CNOT9: variants seen among roughly 807,000 people sequenced by gnomAD.
The protein encoded by CNOT9 is RCD1 required for cell differentiation1 homolog.
CNOT9 carries 8 observed loss-of-function variants against 37.4 expected under a neutral mutation model. The ratio of observed to expected loss-of-function variants is 0.21; its 90% CI spans 0.13 to 0.39. The LOEUF (loss-of-function observed/expected upper bound fraction) is 0.39. Ranked by LOEUF, CNOT9 falls within the 10% of genes least tolerant of loss-of-function variation. The probability of loss-of-function intolerance (pLI) is 1.00; values close to 1 mark genes in which losing one functional copy is unlikely to be tolerated. For synonymous variants in CNOT9, 120 were observed against 137.6 expected (o/e 0.87, Z 0.90); for missense variants, 154 against 365.3 (o/e 0.42, Z 4.71).
At chr2:218,570,473 C>G (rs1039908264) in intron 1 of CNOT9, among the ~76,000 whole-genome samples, 8 of 152,190 alleles carry the variant, frequency 5.3e-5, no homozygotes, top group African/African-American at 1.9e-4. Flanking sequence ...TGTAACTATT[C>G]AATGTAGAGA....
At chr2:218,580,782 A>C in intron 2 of CNOT9, 42 bp downstream of exon 2, 1 of 1,538,914 alleles carries the variant, frequency 6.5e-7, no homozygotes. Flanking sequence ...TCTTTTCATT[A>C]CACTTGTATA....
chr2:218,594,215 T>G lies in CNOT9; in HGVS notation c.839T>G (p.Val280Gly), dbSNP rs1575000213. The G allele has an allele frequency of 6.2e-7, 1 of 1,614,202 alleles. No individual in the cohort carries two copies. Residue 280 changes from valine (V) to glycine (G), a missense_variant, in exon 8 of 8, where the codon GTG (valine) becomes GGG (glycine). This residue lies in a region of CNOT9 where 117 missense variants were observed against 325.4 expected (regional missense o/e 0.36). Transcript: ENST00000273064. Reference sequence around the variant, plus strand: ...ACGAAACGCTGGCTTGCACAACTGGTGAAGAACCTGCAAGAGGGCCAGGTC... The same window carrying G: ...ACGAAACGCTGGCTTGCACAACTGGGGAAGAACCTGCAAGAGGGCCAGGTC... ...TTTKRWLAQL[V>G]KNLQEGQVTD...
intron 1 of CNOT9, among the ~76,000 whole-genome samples, chr2:218,572,984 TCTTTC>T (rs1179763246): frequency 1.2e-4 from 18 of 152,204 alleles, no homozygotes; most frequent in African/African-American, 4.1e-4. Flanking sequence ...GCCTAACTTA[TCTTTC>T]CTTATTCACT....
At position 218,595,875 on chromosome 2, in the gene CNOT9, A is replaced by G. The variant is rs529835985; in HGVS notation, c.*1599A>G. 1 of 152,296 alleles carries G rather than the reference A, an allele frequency of 6.6e-6. No homozygotes were observed. Among genetic ancestry groups the G allele is most frequent in the South Asian group, 2.1e-4 (1 of 4,824 alleles). 9.4% of individuals were successfully genotyped at this position (152,296 alleles called of 1,614,324 possible). A position where few individuals can be genotyped will look rare whatever the true frequency, so the allele number is the denominator to read the frequency against. ...TCTCTTTAGAGCCAAGAAAATAGTA[A>G]TTAAGTGGCCTAGATATAGGAAGGG... On this transcript the variant is annotated 3_prime_UTR_variant, in exon 8 of 8. Coordinates refer to ENST00000273064, the MANE Select transcript of CNOT9 (RefSeq NM_005444.3).
intron 1 of CNOT9, among the ~76,000 whole-genome samples, chr2:218,575,678 C>G (rs1694142364): frequency 6.6e-6 from 1 of 152,212 alleles, no homozygotes; most frequent in African/African-American, 2.4e-5. Flanking sequence ...GCTGGGATTA[C>G]AGGCGTGAGC....
intron 1 of CNOT9, among the ~76,000 whole-genome samples, chr2:218,576,569 G>A (rs1327821553): frequency 6.6e-6 from 1 of 152,138 alleles, no homozygotes; most frequent in Non-Finnish European, 1.5e-5. Flanking sequence ...AGTACTGAGT[G>A]TTCTTTCAGA....
chr2:218,574,814 T>G (rs546021544), intron 1 of CNOT9, among the ~76,000 whole-genome samples: 1 of 152,326 alleles, frequency 6.6e-6, no homozygotes, highest in African/African-American at 2.4e-5. Flanking sequence ...AAAAGGGCAT[T>G]AAAGAACTTT....
intron 3 of CNOT9, among the ~76,000 whole-genome samples, chr2:218,583,681 C>T (rs1261312107): frequency 1.3e-5 from 2 of 152,142 alleles, no homozygotes; most frequent in Non-Finnish European, 2.9e-5. Flanking sequence ...TTATTAAAGC[C>T]TTTCCTCTTT....
intron 1 of CNOT9, among the ~76,000 whole-genome samples, chr2:218,575,682 C>T (rs1409627602): frequency 6.6e-6 from 1 of 152,068 alleles, no homozygotes; most frequent in Non-Finnish European, 1.5e-5. Flanking sequence ...GGATTACAGG[C>T]GTGAGCCACC....
At position 218,592,300 on chromosome 2, in the gene CNOT9, T is replaced by G. The variant is rs368671455; in HGVS notation, c.541-4T>G. The G allele has an allele frequency of 4.3e-6, 7 of 1,610,278 alleles. No homozygotes were observed. Among genetic ancestry groups the G allele is most frequent in the Non-Finnish European group, 5.9e-6 (7 of 1,177,646 alleles). On this transcript the variant is annotated splice_polypyrimidine_tract_variant and splice_region_variant and intron_variant, in intron 5 of 7. Coordinates refer to ENST00000273064, the MANE Select transcript of CNOT9 (RefSeq NM_005444.3). The surrounding 1 kb of genome is among the most constrained non-coding windows in gnomAD (Gnocchi z 4.1). ...ATAAACTCTTCGATTTTGTTTTGCT[T>G]CAGGTTGCCACATTCATCCTCCAGA...
At chr2:218,591,829 A>G (rs188971975) in intron 5 of CNOT9, among the ~76,000 whole-genome samples, 335 of 152,272 alleles carry the variant, frequency 2.2e-3, no homozygotes, top group Non-Finnish European at 3.4e-3. Flanking sequence ...ATCTTGGCCT[A>G]TGGAAAAGAG....
chr2:218,590,797 C>CTTGTTGTTGTTG (rs72308011), intron 5 of CNOT9, among the ~76,000 whole-genome samples: 22 of 150,818 alleles, frequency 1.5e-4, no homozygotes, highest in Non-Finnish European at 2.5e-4. Flanking sequence ...CTACATCTCT[C>CTTGTTGTTGTTG]TTGTTGTTGT....
chr2:218,593,948 C>T (rs901785205), intron 7 of CNOT9, 160 bp from the exon 8 acceptor site: 3 of 962,028 alleles, frequency 3.1e-6, no homozygotes, highest in Admixed American at 2.9e-5. Context: ...ATCTCTAAGC[C>T]TATGCCTAAT....
At chr2:218,584,475 C>A in intron 3 of CNOT9, 137 bp from the exon 4 acceptor site, 1 of 720,376 alleles carries the variant, frequency 1.4e-6, no homozygotes, top group Non-Finnish European at 2.5e-6. Context: ...GACTAATGAC[C>A]AGTAACATTG....
At chr2:218,590,633 G>A (rs903283785) in intron 5 of CNOT9, among the ~76,000 whole-genome samples, 2 of 152,180 alleles carry the variant, frequency 1.3e-5, no homozygotes, top group Non-Finnish European at 2.9e-5. Flanking sequence ...AGGATATAGA[G>A]GAGAGTCTTT....
rs530943267 is a variant in CNOT9, at chr2:218,580,521, T to G, written c.25-40T>G. 18 of 1,529,358 alleles carry G rather than the reference T, an allele frequency of 1.2e-5. No homozygotes were observed. In the South Asian group the frequency reaches 1.5e-4, roughly 13 times the overall value. 94.7% of individuals were successfully genotyped at this position (1,529,358 alleles called of 1,614,324 possible). Reference sequence around the variant, plus strand: ...GTTGCAGGGTAAGACTTGGTTTGACTCTAATAAACTGATATTTACTTTCTT... The same window carrying G: ...GTTGCAGGGTAAGACTTGGTTTGACGCTAATAAACTGATATTTACTTTCTT... On this transcript the variant is annotated intron_variant, in intron 1 of 7. Transcript: ENST00000273064.
intron 5 of CNOT9, among the ~76,000 whole-genome samples, chr2:218,589,477 T>G (rs181078249): frequency 2.6e-5 from 4 of 152,158 alleles, no homozygotes; most frequent in Non-Finnish European, 5.9e-5. Flanking sequence ...TGGGACCACA[T>G]GCCTGCTCCA....
chr2:218,575,294 A>T (rs1333614936), intron 1 of CNOT9, among the ~76,000 whole-genome samples: 1 of 151,884 alleles, frequency 6.6e-6, no homozygotes, highest in African/African-American at 2.4e-5. Context: ...AACTCTGTGA[A>T]CTCCTTAAAA....
chr2:218,589,641 G>A (rs1350206588), intron 5 of CNOT9, among the ~76,000 whole-genome samples: 1 of 152,088 alleles, frequency 6.6e-6, no homozygotes, highest in Non-Finnish European at 1.5e-5. Context: ...CCAATTTATT[G>A]TTTTTAAAGA....
Sources: allele counts gnomAD v4.1 joint callset (sites outside exome capture counted in the v4.1 genomes callset), GRCh38; gene constraint gnomAD v4.1.1; regional missense constraint gnomAD v4.1.1; non-coding constraint Gnocchi (gnomAD v3.1); transcripts MANE v1.5; gene names NCBI Gene and HGNC (gene_info 2026-07-23, HGNC 2026-07-21).